The following TBP variants were observed in gnomAD, a reference collection of about 807,000 sequenced individuals.
TBP encodes the protein TATA-box binding protein.
In TBP, 12 loss-of-function variants were observed where a neutral mutation model predicts 46.2. The ratio of observed to expected loss-of-function variants is 0.26; its 90% CI spans 0.17 to 0.42. The LOEUF (loss-of-function observed/expected upper bound fraction) is 0.42, where lower values mean the gene tolerates loss of function less well. Among genes scored for constraint, TBP ranks in the 10% least tolerant of loss-of-function variants. The pLI is 1.00. For synonymous variants in TBP, 157 were observed against 148.3 expected, an observed-to-expected ratio of 1.06 and a Z score of -0.42; for missense variants, 229 against 403.1, an observed-to-expected ratio of 0.57 and a Z score of 3.70.
At chr6:170,570,130 C>T (rs539203619) in intron 6 of TBP, among the ~76,000 whole-genome samples, 1 of 152,284 alleles carries the variant, frequency 6.6e-6, no homozygotes, top group South Asian at 2.1e-4. Flanking sequence ...TTTTAGTCAA[C>T]ATTGTGTCAG....
intron 5 of TBP, 100 bp downstream of exon 5, chr6:170,567,109 T>C (rs1779268743): frequency 1.5e-6 from 1 of 672,250 alleles, no homozygotes; most frequent in Non-Finnish European, 2.2e-6. Context: ...AACATGTTAT[T>C]ATTGCTTTCT....
Position 170,562,091 on chromosome 6 carries a change from C to T in TBP, c.355C>T (p.Pro119Ser). 5 of 1,614,160 alleles carry T rather than the reference C, an allele frequency of 3.1e-6. No individual in the cohort carries two copies. The highest frequency in any genetic ancestry group is 3.4e-6 in the Non-Finnish European group (4 of 1,180,046). Residue 119 changes from proline (P) to serine (S), a missense_variant, in exon 3 of 8, where the codon CCA becomes TCA. By Grantham distance (74) the Pro-to-Ser change is moderately conservative (BLOSUM62 -1). Coordinates refer to ENST00000392092, the MANE Select transcript of TBP (RefSeq NM_003194.5). ...AACACAGGGAACCTCAGGCCAGGCA[C>T]CACAGCTCTTCCACTCACAGACTCT... Reference protein sequence around the residue: ...QATQGTSGQAPQLFHSQTLTT... With the variant: ...QATQGTSGQASQLFHSQTLTT...
rs58221238 is a variant in TBP, at chr6:170,566,847, A to G, written c.586-71A>G. The G allele has an allele frequency of 8.8e-3, 12,134 of 1,373,952 alleles. 286 individuals are homozygous for G. Among genetic ancestry groups the G allele is most frequent in the African/African-American group, 0.066 (4,640 of 70,568 alleles). 85.1% of individuals were successfully genotyped at this position (1,373,952 alleles called of 1,614,324 possible). A position where few individuals can be genotyped will look rare whatever the true frequency, so the allele number is the denominator to read the frequency against. On this transcript the variant is annotated intron_variant, in intron 4 of 7. Transcript: ENST00000392092. ...CCTACCAGTTGTGATTTTTTTGTCAATGGGTGGTTCGCCTAACAACATTGA... is the reference window on the plus strand; with the variant it reads ...CCTACCAGTTGTGATTTTTTTGTCAGTGGGTGGTTCGCCTAACAACATTGA...
At chr6:170,554,900 C>T (rs1439701757) in intron 1 of TBP, among the ~76,000 whole-genome samples, 1 of 152,152 alleles carries the variant, frequency 6.6e-6, no homozygotes, top group East Asian at 1.9e-4. Flanking sequence ...ACAGCGGGCA[C>T]GGTAGCGCTT....
chr6:170,558,773 A>G (rs1224022304), intron 2 of TBP, among the ~76,000 whole-genome samples: 1 of 150,072 alleles, frequency 6.7e-6, no homozygotes, highest in African/African-American at 2.5e-5. Flanking sequence ...GGCTCACTGC[A>G]AACTCCATCT....
At chr6:170,571,854 C>T (rs1254797301) in intron 7 of TBP, among the ~76,000 whole-genome samples, 1 of 151,834 alleles carries the variant, frequency 6.6e-6, no homozygotes, top group Non-Finnish European at 1.5e-5. Flanking sequence ...TTGAAGGCAG[C>T]AATTCAGAGA....
intron 3 of TBP, among the ~76,000 whole-genome samples, chr6:170,564,331 G>A (rs1779203340): frequency 2.6e-5 from 4 of 152,114 alleles, no homozygotes; most frequent in Admixed American, 6.5e-5. Flanking sequence ...GGGAATACTG[G>A]TAACTTCTAC....
chr6:170,560,409 G>A (rs1355104067), intron 2 of TBP, among the ~76,000 whole-genome samples: 1 of 152,196 alleles, frequency 6.6e-6, no homozygotes, highest in Non-Finnish European at 1.5e-5. Context: ...GGAGGCTGAG[G>A]CGGGAGGGTC....
chr6:170,569,805 T>G (rs1296108221), intron 6 of TBP, 26 bp downstream of exon 6: 1 of 1,594,652 alleles, frequency 6.3e-7, no homozygotes, highest in African/African-American at 1.3e-5. Context: ...ATTATGATTG[T>G]TATTGGCAAC....
chr6:170,571,328 A>G (rs931182228), intron 6 of TBP, 82 bp from the exon 7 acceptor site: 6 of 921,540 alleles, frequency 6.5e-6, no homozygotes, highest in Middle Eastern at 3.4e-4. Flanking sequence ...TTTATTCAGT[A>G]TTTTTCCTTG....
chr6:170,560,526 T>A (rs1037403282), intron 2 of TBP, among the ~76,000 whole-genome samples: 8 of 152,170 alleles, frequency 5.3e-5, no homozygotes, highest in African/African-American at 1.9e-4. Context: ...CTCTGATGAA[T>A]CTGGGCAAAG....
intron 4 of TBP, among the ~76,000 whole-genome samples, chr6:170,566,016 G>A (rs1779239740): frequency 6.6e-6 from 1 of 152,022 alleles, no homozygotes; most frequent in South Asian, 2.1e-4. Context: ...CGAGGCTGCA[G>A]TGAGCCATGA....
At chr6:170,568,784 C>CTT (rs1441753918) in intron 5 of TBP, among the ~76,000 whole-genome samples, 2 of 97,008 alleles carry the variant, frequency 2.1e-5, no homozygotes, top group Admixed American at 2.0e-4. Flanking sequence ...TTTATTTTTT[C>CTT]TTTTTTTCTC....
At chr6:170,562,769 G>T (rs769627711) in intron 3 of TBP, among the ~76,000 whole-genome samples, 1 of 152,170 alleles carries the variant, frequency 6.6e-6, no homozygotes, top group Non-Finnish European at 1.5e-5. Context: ...TGTAGTAGGG[G>T]TAGGAAATAA....
At position 170,572,277 on chromosome 6, in the gene TBP, T is replaced by C; in HGVS notation, c.*12T>C. 1 of 1,596,026 alleles carries C rather than the reference T, an allele frequency of 6.3e-7. No homozygotes were observed. The highest frequency in any genetic ancestry group is 8.6e-7 in the Non-Finnish European group (1 of 1,167,916). On this transcript the variant is annotated 3_prime_UTR_variant, in exon 8 of 8. Coordinates refer to ENST00000392092, the MANE Select transcript of TBP (RefSeq NM_003194.5). ...GGAAGACGACGTAATGGCTCTCATG[T>C]ACCCTTGCCTCCCCCACCCCCTTCT... is the stretch of plus-strand genomic sequence containing the variant.
intron 4 of TBP, among the ~76,000 whole-genome samples, chr6:170,566,353 A>G (rs1295226926): frequency 1.3e-5 from 2 of 152,236 alleles, no homozygotes; most frequent in Non-Finnish European, 2.9e-5. Context: ...AGCAGAAAAT[A>G]AAAGTTAAAA....
chr6:170,569,874 T>A, intron 6 of TBP, 95 bp downstream of exon 6: 1 of 1,152,738 alleles, frequency 8.7e-7, no homozygotes, highest in Non-Finnish European at 1.2e-6. Flanking sequence ...ATTCAGTATA[T>A]GAGAACAGTT....
rs146449494 is a variant in TBP at position 170,564,002 on chromosome 6, G to T, written c.498-543G>T. ...GGCTCCATTTATCCTTATTTACTGAGAGTTAATTAGAAGAGAAAGCAGGGT... is the reference window on the plus strand; with the variant it reads ...GGCTCCATTTATCCTTATTTACTGATAGTTAATTAGAAGAGAAAGCAGGGT... On this transcript the variant is annotated intron_variant, in intron 3 of 7. Transcript: ENST00000392092. 2.4e-3 allele frequency among the ~76,000 whole-genome samples: 362 copies of T among 152,108 alleles called. 2 individuals carry two copies. The highest frequency in any genetic ancestry group is 8.3e-3 in the African/African-American group (346 of 41,522).
chr6:170,570,220 C>T (rs1397292682), intron 6 of TBP, among the ~76,000 whole-genome samples: 1 of 152,218 alleles, frequency 6.6e-6, no homozygotes, highest in Non-Finnish European at 1.5e-5. Context: ...TGAAGACTCA[C>T]AGGCAGGCAG....
Sources: gnomAD v4.1 joint callset for allele counts (sites outside exome capture counted in the v4.1 genomes callset) on GRCh38, gnomAD v4.1.1 for gene constraint, MANE v1.5 for transcripts, NCBI Gene and HGNC (gene_info 2026-07-23, HGNC 2026-07-21) for gene names.